SH3TC1: variants seen among roughly 807,000 people sequenced by gnomAD.
The protein encoded by SH3TC1 is SH3 domain and tetratricopeptide repeats 1.
SH3TC1 carries 135 observed loss-of-function variants against 117.3 expected under a neutral mutation model. The ratio of observed to expected loss-of-function variants is 1.15; its 90% confidence interval spans 1.00 to 1.33. The LOEUF (loss-of-function observed/expected upper bound fraction) is 1.33. SH3TC1 is among the 40% of genes most tolerant of loss of function. The pLI, the probability that SH3TC1 is intolerant of heterozygous loss-of-function variation, is 0.00. For synonymous variants in SH3TC1, 898 were observed against 816.9 expected, an observed-to-expected ratio of 1.10 and a Z score of -1.69; for missense variants, 2,092 against 1,794.3, an observed-to-expected ratio of 1.17 and a Z score of -3.00.
chr4:8,227,024 C>A lies in SH3TC1; in HGVS notation c.1330C>A (p.Gln444Lys). Residue 444 changes from glutamine (Q) to lysine (K), a missense_variant, in exon 12 of 18, where the codon CAG becomes AAG. By Grantham distance (53) the Gln-to-Lys change is moderately conservative. Transcript: ENST00000245105. ...CLSLEPQETL[Q>K]KVKNVLEQCK... ...GAGCCTGGAGCCACAGGAGACCTTG[C>A]AGAAGGTGAAGAATGTTCTGGAACA... 2 of 1,571,944 alleles carry A rather than the reference C, an allele frequency of 1.3e-6. No individual in the cohort carries two copies. The highest frequency in any genetic ancestry group is 1.7e-6 in the Non-Finnish European group (2 of 1,159,222).
At position 8,228,189 on chromosome 4, in the gene SH3TC1, C is replaced by T. The variant is rs1251376017; in HGVS notation, c.2495C>T (p.Ala832Val). The T allele has an allele frequency of 1.9e-6, 3 of 1,609,906 alleles. No individual in the cohort carries two copies. Among genetic ancestry groups the T allele is most frequent in the African/African-American group, 1.3e-5 (1 of 74,900 alleles). The stretch of plus-strand genomic sequence containing the variant: ...ATCGTGGACCACCTGGTGGCCCTGG[C>T]CTGGCTGCACGTGCTTCATGGGCAG... ...RAIVDHLVAL[A>V]WLHVLHGQSP... The change falls in exon 12 of 18, where the codon GCC (alanine) becomes GTC (valine). Residue 832 changes from alanine (A) to valine (V), a missense_variant. By Grantham distance (64) the Ala-to-Val change is moderately conservative. Transcript: ENST00000245105.
In SH3TC1 at chr4:8,209,844, C is replaced by G. The variant is rs1718498808; in HGVS notation, c.247+22C>G. Reference sequence around the variant, plus strand: ...ACAGGTAAACATCCTGGGCCCTACACAGGGCTTCAGGTTCAAATCCGGGCT... The same window carrying G: ...ACAGGTAAACATCCTGGGCCCTACAGAGGGCTTCAGGTTCAAATCCGGGCT... On this transcript the variant is annotated intron_variant, in intron 3 of 17. Transcript: ENST00000245105. This position sits in a 1 kb window ranked among gnomAD's most constrained non-coding sequence, Gnocchi z 5.9. 6.2e-7 allele frequency: 1 copy of G among 1,608,954 alleles called. No individual in the cohort carries two copies. The highest frequency in any genetic ancestry group is 8.5e-7 in the Non-Finnish European group (1 of 1,177,650).
At chr4:8,238,274 G>A (rs140647192) in intron 17 of SH3TC1, among the ~76,000 whole-genome samples, 3 of 152,294 alleles carry the variant, frequency 2.0e-5, no homozygotes, top group South Asian at 2.1e-4. Flanking sequence ...GCAGTGGGGC[G>A]GGGCCCCAGA....
chr4:8,186,237 A>C lies in SH3TC1; in HGVS notation c.-57+4027A>C, dbSNP rs1717219670. 6.6e-6 allele frequency among the ~76,000 whole-genome samples: 1 copy of C among 152,218 alleles called. No individual in the cohort carries two copies. The highest frequency in any genetic ancestry group is 6.5e-5 in the Admixed American group (1 of 15,290). ...CAAAATTTGCTTGTTGCACATTAAA[A>C]GTAATGGGAGTGAGGAACATCAGAC... is the stretch of plus-strand genomic sequence containing the variant. On this transcript the variant is annotated intron_variant, in intron 1 of 16. Coordinates refer to the SH3TC1 transcript ENST00000508641. This position sits in a 1 kb window ranked among gnomAD's most constrained non-coding sequence, Gnocchi z 5.2.
rs142606791 is a variant in SH3TC1 at position 8,205,353 on chromosome 4, G to A, written c.159G>A (p.Ala53=). The A allele has an allele frequency of 1.2e-5, 19 of 1,547,918 alleles. No individual in the cohort carries two copies. Among genetic ancestry groups the A allele is most frequent in the African/African-American group, 2.7e-5 (2 of 72,928 alleles). The change falls in exon 2 of 18, where the codon GCG becomes GCA. Residue 53 remains alanine (A), a synonymous_variant. Coordinates refer to ENST00000245105, the MANE Select transcript of SH3TC1 (RefSeq NM_018986.5). This position sits in a 1 kb window ranked among gnomAD's most constrained non-coding sequence, Gnocchi z 5.4. The stretch of plus-strand genomic sequence containing the variant: ...AAGCGGGGCCCGAGGAGGCCAAGGC[G>A]CCAGTGAGAGGCGGTGAGTTCATTC... ...WEKAGPEEAK[A]PVRGDEAPPA... is the part of the protein sequence containing the mutation.
chr4:8,223,169 C>T (rs1373443612), intron 10 of SH3TC1, among the ~76,000 whole-genome samples, 199 bp downstream of exon 10: 4 of 152,196 alleles, frequency 2.6e-5, no homozygotes, highest in South Asian at 2.1e-4. Context: ...GAGCTGAGGG[C>T]GTGGGAATGT....
Position 8,209,700 on chromosome 4 carries a change from A to G in SH3TC1, c.173-48A>G, listed in dbSNP as rs760307538. On this transcript the variant is annotated intron_variant, in intron 2 of 17. Coordinates refer to ENST00000245105, the MANE Select transcript of SH3TC1 (RefSeq NM_018986.5). This position sits in a 1 kb window ranked among gnomAD's most constrained non-coding sequence, Gnocchi z 5.9. ...AGCGTTTGGCGCCTTCAGAGGAGCC[A>G]GGCCTTTGCTTGGTCTCCCCTAATC... 1.2e-6 allele frequency: 2 copies of G among 1,611,790 alleles called. No individual in the cohort carries two copies. Among genetic ancestry groups the G allele is most frequent in the Non-Finnish European group, 8.5e-7 (1 of 1,179,368 alleles).
At chr4:8,231,802 TG>T in intron 12 of SH3TC1, 173 bp from the exon 13 acceptor site, 1 of 680,652 alleles carries the variant, frequency 1.5e-6, no homozygotes, top group Non-Finnish European at 2.4e-6. Flanking sequence ...GCCTCTACCA[TG>T]GGCATCTGCA....
chr4:8,197,850 C>A (rs1406394627), upstream of SH3TC1, among the ~76,000 whole-genome samples: 3 of 152,194 alleles, frequency 2.0e-5, no homozygotes, highest in African/African-American at 7.2e-5. Context: ...TAAGCGTCAG[C>A]CCCTGGGCAG....
At chr4:8,207,614 C>G (rs1281014734) in intron 2 of SH3TC1, among the ~76,000 whole-genome samples, 2 of 152,318 alleles carry the variant, frequency 1.3e-5, no homozygotes, top group Admixed American at 1.3e-4. Context: ...CCCCAGTTAT[C>G]CATTGATTTA....
intron 13 of SH3TC1, 142 bp downstream of exon 13, chr4:8,232,298 C>G: frequency 2.1e-6 from 3 of 1,454,098 alleles, no homozygotes; most frequent in Non-Finnish European, 2.8e-6. Flanking sequence ...ATGCTCTGAG[C>G]TGGGGGGCCT....
Position 8,236,185 on chromosome 4 carries a change from G to A in SH3TC1, c.3406-93G>A, listed in dbSNP as rs955490730. ...GTCGAGGCCCAGGGGTAGCTGGGGC[G>A]TGGGAAGCTCCGAGCACATGTTTGA... On this transcript the variant is annotated intron_variant, in intron 15 of 17. Transcript: ENST00000245105. 1.6e-5 allele frequency: 22 copies of A among 1,407,158 alleles called. No individual in the cohort carries two copies. In the East Asian group the frequency reaches 2.2e-4, roughly 14 times the overall value. The allele number at this position is 1,407,158 out of a possible 1,614,324, so 87.2% of individuals were successfully genotyped here. A position where few individuals can be genotyped will look rare whatever the true frequency, so the allele number is the denominator to read the frequency against.
intron 1 of SH3TC1, among the ~76,000 whole-genome samples, chr4:8,203,238 A>G (rs1393088033): frequency 6.6e-6 from 1 of 151,936 alleles, no homozygotes; most frequent in Non-Finnish European, 1.5e-5. Flanking sequence ...TGGCAGCTTC[A>G]GTGTGCACTT....
At chr4:8,182,543 G>A (rs1172093599) in intron 1 of SH3TC1, among the ~76,000 whole-genome samples, 1 of 152,184 alleles carries the variant, frequency 6.6e-6, no homozygotes, top group African/African-American at 2.4e-5. Context: ...GGCGGGCAGG[G>A]TGCCTGGTGG....
At chr4:8,218,455 A>G (rs892139911) in intron 8 of SH3TC1, 108 bp downstream of exon 8, 5 of 731,698 alleles carry the variant, frequency 6.8e-6, no homozygotes, top group Non-Finnish European at 1.1e-5. Context: ...AGAGATAGCT[A>G]TCAGGTAGTG....
chr4:8,195,381 G>A (rs1305652255), upstream of SH3TC1, among the ~76,000 whole-genome samples: 1 of 152,168 alleles, frequency 6.6e-6, no homozygotes, highest in Non-Finnish European at 1.5e-5. Flanking sequence ...AGGGCTGTGT[G>A]TGCTTCTGCC....
chr4:8,193,800 G>A (rs562686555), intron 1 of SH3TC1, among the ~76,000 whole-genome samples: 72 of 152,326 alleles, frequency 4.7e-4, no homozygotes, highest in African/African-American at 1.7e-3. Context: ...CCTCAGAAGT[G>A]CAGTTTCCTG....
In SH3TC1 at chr4:8,216,137, C is replaced by G. The variant is rs1451632318; in HGVS notation, c.508C>G (p.Leu170Val). ...CTTCACTCATCACTGCCTGGCAAAC[C>G]TGCTCATGGACCAGGCCTTCTGGCT... ...LGFTHHCLAN[L>V]LMDQAFWLLL... Residue 170 changes from leucine to valine, a missense_variant, in exon 6 of 18, where the codon CTG becomes GTG. By Grantham distance (32) the Leu-to-Val change is conservative. Transcript: ENST00000245105. 3 of 1,613,490 alleles carry G rather than the reference C, an allele frequency of 1.9e-6. No homozygotes were observed. Among genetic ancestry groups the G allele is most frequent in the African/African-American group, 2.7e-5 (2 of 74,940 alleles).
chr4:8,224,386 C>G (rs1168935594), intron 10 of SH3TC1, among the ~76,000 whole-genome samples: 1 of 152,222 alleles, frequency 6.6e-6, no homozygotes, highest in African/African-American at 2.4e-5. Flanking sequence ...TGGATGGTAT[C>G]TCCTGTCCTT....
Sources: gnomAD v4.1 joint callset for allele counts (sites outside exome capture counted in the v4.1 genomes callset) on GRCh38, gnomAD v4.1.1 for gene constraint, Gnocchi (gnomAD v3.1) non-coding constraint, MANE v1.5 for transcripts, NCBI Gene and HGNC (gene_info 2026-07-23, HGNC 2026-07-21) for gene names.